The following MYT1L variants were observed in gnomAD, a reference collection of about 807,000 sequenced individuals.
MYT1L encodes myelin transcription factor 1-like protein.
Under a neutral mutation model 126.7 loss-of-function variants are expected in MYT1L, and 12 were observed. The observed-to-expected ratio is 0.09, with a 90% CI of 0.06 to 0.15. MYT1L has a LOEUF of 0.15. Among genes scored for constraint, MYT1L ranks in the 10% least tolerant of loss-of-function variants. The pLI is 1.00. For missense variants in MYT1L, 979 were observed against 1,585.2 expected (o/e 0.62, Z 6.49); for synonymous variants, 541 against 604.2 (o/e 0.90, Z 1.53).
At chr2:2,276,425 C>T (rs1429888759) in intron 2 of MYT1L, among the ~76,000 whole-genome samples, 3 of 152,138 alleles carry the variant, frequency 2.0e-5, no homozygotes, top group African/African-American at 7.2e-5. Flanking sequence ...TAAAATGTTA[C>T]AAATATGTCA....
chr2:1,807,522 C>G (rs1245258506), intron 22 of MYT1L, among the ~76,000 whole-genome samples: 1 of 152,112 alleles, frequency 6.6e-6, no homozygotes, highest in Non-Finnish European at 1.5e-5. Flanking sequence ...GTCTGGGAGC[C>G]TTCAGCCCAG....
intron 1 of MYT1L, among the ~76,000 whole-genome samples, chr2:2,292,143 G>A (rs1209461260): frequency 6.6e-6 from 1 of 152,186 alleles, no homozygotes; most frequent in Admixed American, 6.5e-5. Flanking sequence ...CAGGGCAGGT[G>A]AAGGCTCTAC....
At chr2:1,983,108 C>T (rs1034520373) in intron 5 of MYT1L, among the ~76,000 whole-genome samples, 3 of 152,186 alleles carry the variant, frequency 2.0e-5, no homozygotes, top group Non-Finnish European at 4.4e-5. Context: ...TCCCTCCCTA[C>T]ACTAAAATAT....
At chr2:2,289,377 C>T (rs1170027359) in intron 1 of MYT1L, among the ~76,000 whole-genome samples, 11 of 152,186 alleles carry the variant, frequency 7.2e-5, no homozygotes, top group Non-Finnish European at 1.6e-4. Context: ...GGTTCATACT[C>T]TTAATTAAAA....
chr2:2,037,158 T>C (rs1558811540), intron 4 of MYT1L, among the ~76,000 whole-genome samples: 1 of 152,220 alleles, frequency 6.6e-6, no homozygotes, highest in Non-Finnish European at 1.5e-5. Context: ...AAATTTGCCA[T>C]CTCGTTTGTT....
chr2:2,236,995 G>C (rs1484242076), intron 2 of MYT1L, among the ~76,000 whole-genome samples: 1 of 151,912 alleles, frequency 6.6e-6, no homozygotes, highest in Non-Finnish European at 1.5e-5. Context: ...TGTACTATTA[G>C]TAGAGATGGG....
At chr2:1,838,611 T>G (rs1403559130) in intron 21 of MYT1L, among the ~76,000 whole-genome samples, 4 of 152,236 alleles carry the variant, frequency 2.6e-5, no homozygotes. Flanking sequence ...AGGGACCGAC[T>G]GCACAATCTG....
chr2:2,045,983 G>T (rs889303225), intron 4 of MYT1L, among the ~76,000 whole-genome samples: 1 of 152,162 alleles, frequency 6.6e-6, no homozygotes, highest in African/African-American at 2.4e-5. Flanking sequence ...GTCGTCTTCT[G>T]TATCTTTGGG....
rs2048939486 is a variant in MYT1L at position 1,891,964 on chromosome 2, T to C, written c.2283+73A>G. On this transcript the variant is annotated intron_variant, in intron 15 of 24. Transcript: ENST00000647738. ...ATACAGCTGCCCCGAAAGCGCCGCG[T>C]GTCTCGGTGGCTGGGTCCGCGGCCC... The C allele has an allele frequency of 6.2e-6, 9 of 1,442,528 alleles. No homozygotes were observed. In the South Asian group the frequency reaches 8.7e-5, roughly 14 times the overall value. 89.4% of individuals were successfully genotyped at this position (1,442,528 alleles called of 1,614,324 possible). A position where few individuals can be genotyped will look rare whatever the true frequency, so the allele number is the denominator to read the frequency against.
chr2:1,889,425 T>C lies in MYT1L; in HGVS notation c.2336A>G (p.Lys779Arg), dbSNP rs2148853890. ...ENGTLDLSMN[K>R]QRPRDSCCPI... ...GCAGCAGCTGTCCCGCGGCCTCTGC[T>C]TGTTCATGCTGAGGTCCAGGGTCCC... The change falls in exon 16 of 25, where the codon AAG becomes AGG. Residue 779 changes from lysine to arginine, a missense_variant. By Grantham distance (26) the Lys-to-Arg change is conservative. Around this residue, in one of 12 missense-constraint regions of MYT1L, gnomAD observed 141 missense variants for 170.6 expected, o/e 0.83. Transcript: ENST00000647738. The surrounding 1 kb of genome is among the most constrained non-coding windows in gnomAD (Gnocchi z 4.1). The C allele has an allele frequency of 6.2e-7, 1 of 1,613,562 alleles. No homozygotes were observed. Among genetic ancestry groups the C allele is most frequent in the South Asian group, 1.1e-5 (1 of 91,036 alleles).
intron 2 of MYT1L, among the ~76,000 whole-genome samples, chr2:2,235,625 G>C (rs2094277521): frequency 6.6e-6 from 1 of 152,140 alleles, no homozygotes; most frequent in Admixed American, 6.5e-5. Context: ...GCATGAGTTT[G>C]ATTTCTCACC....
At chr2:2,098,814 TTG>T (rs1023602220) in intron 3 of MYT1L, among the ~76,000 whole-genome samples, 1 of 152,260 alleles carries the variant, frequency 6.6e-6, no homozygotes, top group African/African-American at 2.4e-5. Context: ...TGTAAACCAT[TTG>T]TGTTTGTGCC....
chr2:1,839,928 G>C (rs1261760033), intron 20 of MYT1L, among the ~76,000 whole-genome samples: 1 of 152,176 alleles, frequency 6.6e-6, no homozygotes, highest in Non-Finnish European at 1.5e-5. Context: ...GGCTGACACA[G>C]GGACACGGGA....
intron 23 of MYT1L, among the ~76,000 whole-genome samples, chr2:1,798,445 C>G (rs915906540): frequency 1.3e-5 from 2 of 152,242 alleles, no homozygotes; most frequent in African/African-American, 4.8e-5. Context: ...TCCTCCGCTC[C>G]CATTCCAGAG....
intron 2 of MYT1L, among the ~76,000 whole-genome samples, chr2:2,214,230 C>A: frequency 6.6e-6 from 1 of 150,922 alleles, no homozygotes; most frequent in African/African-American, 2.4e-5. Flanking sequence ...TCAGAATAAC[C>A]TAAAAAAAAA....
chr2:2,158,618 AACAC>A (rs74164556), intron 3 of MYT1L, among the ~76,000 whole-genome samples: 351 of 144,182 alleles, frequency 2.4e-3, no homozygotes, highest in African/African-American at 6.3e-3. Context: ...CCATGGCATA[AACAC>A]ACACACACAC....
intron 1 of MYT1L, among the ~76,000 whole-genome samples, chr2:2,322,487 C>T (rs776046157): frequency 6.6e-6 from 1 of 152,032 alleles, no homozygotes; most frequent in Non-Finnish European, 1.5e-5. Context: ...TGGGACCTTT[C>T]ATTGTCTTTG....
At chr2:2,108,296 T>C (rs2078995483) in intron 3 of MYT1L, among the ~76,000 whole-genome samples, 1 of 152,194 alleles carries the variant, frequency 6.6e-6, no homozygotes, top group African/African-American at 2.4e-5. Flanking sequence ...TCATTCCTCC[T>C]GAACATGGAT....
chr2:2,005,259 C>CATGTGTTCTTTCCTGA (rs2063114606), intron 4 of MYT1L, among the ~76,000 whole-genome samples: 1 of 146,672 alleles, frequency 6.8e-6, no homozygotes, highest in African/African-American at 2.5e-5. Flanking sequence ...TTCTTTCCTG[C>CATGTGTTCTTTCCTGA]ATACGTTCTT....
Sources: allele counts gnomAD v4.1 joint callset (sites outside exome capture counted in the v4.1 genomes callset), GRCh38; gene constraint gnomAD v4.1.1; regional missense constraint gnomAD v4.1.1; non-coding constraint Gnocchi (gnomAD v3.1); transcripts MANE v1.5; gene names NCBI Gene and HGNC (gene_info 2026-07-23, HGNC 2026-07-21).